The following CEP164 variants were observed in gnomAD, a reference collection of about 807,000 sequenced individuals.
The protein encoded by CEP164 is centrosomal protein of 164 kDa.
A neutral mutation model predicts 182.7 loss-of-function variants in CEP164; 162 were observed. The ratio of observed to expected loss-of-function variants is 0.89; its 90% CI spans 0.78 to 1.01. CEP164 has a LOEUF of 1.01. Among genes scored for constraint, CEP164 ranks in the 50% least tolerant of loss-of-function variants. The pLI, the probability that CEP164 is intolerant of heterozygous loss-of-function variation, is 0.00. For missense variants in CEP164, 1,735 were observed against 1,790.4 expected (o/e 0.97, Z 0.56); for synonymous variants, 661 against 690.0 (o/e 0.96, Z 0.66).
rs941316953 is a variant in CEP164, at chr11:117,390,194, C to T, written c.1935-583C>T. Among the ~76,000 whole-genome samples, 5 of 151,932 alleles carry T rather than the reference C, an allele frequency of 3.3e-5. No homozygotes were observed. In the East Asian group the frequency reaches 5.8e-4, roughly 18 times the overall value. On this transcript the variant is annotated intron_variant, in intron 15 of 32. Transcript: ENST00000278935. ...CTGACCTCAAGTGATCCACCTACCT[C>T]GGCCTCCCAAAGTGCTGGGATTACG...
chr11:117,359,587 A>G (rs1412648453), intron 5 of CEP164: 1 of 985,428 alleles, frequency 1.0e-6, no homozygotes, highest in Non-Finnish European at 1.2e-6. Flanking sequence ...TCTGAACCTC[A>G]GCCTGACCGC....
chr11:117,400,064 C>T (rs1230077739), intron 27 of CEP164, among the ~76,000 whole-genome samples: 3 of 152,092 alleles, frequency 2.0e-5, no homozygotes, highest in Non-Finnish European at 4.4e-5. Context: ...TTTGTCCATG[C>T]CTATATCCTG....
intron 3 of CEP164, among the ~76,000 whole-genome samples, chr11:117,341,358 A>G (rs986978279): frequency 6.6e-6 from 1 of 152,040 alleles, no homozygotes; most frequent in African/African-American, 2.4e-5. Context: ...CCGCATCCCC[A>G]GTATACTCAA....
chr11:117,361,259 T>TG (rs2040929655), intron 5 of CEP164, among the ~76,000 whole-genome samples: 2 of 140,002 alleles, frequency 1.4e-5, no homozygotes, highest in African/African-American at 5.4e-5. Context: ...TTTTTTTTTT[T>TG]GAGACAGAGT....
At chr11:117,406,021 C>G (rs937571439) in intron 27 of CEP164, among the ~76,000 whole-genome samples, 27 of 152,250 alleles carry the variant, frequency 1.8e-4, no homozygotes, top group African/African-American at 6.0e-4. Context: ...GCCCTCCAAA[C>G]TGTTCCAGCC....
At chr11:117,379,589 G>A (rs559027477) in intron 11 of CEP164, among the ~76,000 whole-genome samples, 28 of 152,236 alleles carry the variant, frequency 1.8e-4, no homozygotes, top group African/African-American at 6.0e-4. Flanking sequence ...CATTGATGGC[G>A]TGCCTTCTTT....
intron 8 of CEP164, among the ~76,000 whole-genome samples, chr11:117,366,238 A>C (rs1348493013): frequency 2.0e-5 from 3 of 151,996 alleles, no homozygotes; most frequent in African/African-American, 7.2e-5. Context: ...CTCAGTTTAC[A>C]GTCTTTGGAT....
At position 117,412,777 on chromosome 11, in the gene CEP164, C is replaced by G. The variant is rs1264076220; in HGVS notation, c.*609C>G. On this transcript the variant is annotated 3_prime_UTR_variant, in exon 33 of 33. Transcript: ENST00000278935. ...GGACTGGGCTTAGCTGTCCAGAGCC[C>G]TGCCGGAGGGTGCTGGGGGCTGTCC... 1 of 152,960 alleles carries G rather than the reference C, an allele frequency of 6.5e-6. No individual in the cohort carries two copies. Among genetic ancestry groups the G allele is most frequent in the African/African-American group, 2.4e-5 (1 of 41,420 alleles). 9.5% of individuals were successfully genotyped at this position (152,960 alleles called of 1,614,324 possible). A position where few individuals can be genotyped will look rare whatever the true frequency, so the allele number is the denominator to read the frequency against.
Position 117,409,644 on chromosome 11 carries a change from C to T in CEP164, c.3775C>T (p.Arg1259Cys), listed in dbSNP as rs780550729. 31 of 1,610,474 alleles carry T rather than the reference C, an allele frequency of 1.9e-5. No individual in the cohort carries two copies. Among genetic ancestry groups the T allele is most frequent in the South Asian group, 3.3e-5 (3 of 90,996 alleles). The change falls in exon 30 of 33, where the codon CGC (arginine) becomes TGC (cysteine). Residue 1259 changes from arginine to cysteine, a missense_variant. Arg to Cys is a radical substitution (Grantham distance 180). Coordinates refer to ENST00000278935, the MANE Select transcript of CEP164 (RefSeq NM_014956.5). The surrounding 1 kb of genome is among the most constrained non-coding windows in gnomAD (Gnocchi z 4.4). Reference sequence around the variant, plus strand: ...CGACTCAACCCCGAGTCTCACCTCCCGCAAGATCCACGGGCTTAGCCACTC... The same window carrying T: ...CGACTCAACCCCGAGTCTCACCTCCTGCAAGATCCACGGGCTTAGCCACTC... ...RIDSTPSLTS[R>C]KIHGLSHSLR...
chr11:117,409,045 C>CG lies in CEP164; in HGVS notation c.3748+21dup, dbSNP rs1565635563. 1 of 1,613,598 alleles carries CG rather than the reference C, an allele frequency of 6.2e-7. No individual in the cohort carries two copies. Among genetic ancestry groups the CG allele is most frequent in the Non-Finnish European group, 8.5e-7 (1 of 1,179,784 alleles). Reference sequence around the variant, plus strand: ...AGCAGAGGAGTGAGTGGGGGAGATGCGGGGTGAGGACCATGGTATCCATGG... The same window carrying CG: ...AGCAGAGGAGTGAGTGGGGGAGATGCGGGGGTGAGGACCATGGTATCCATGG... On this transcript the variant is annotated intron_variant, in intron 29 of 32. Coordinates refer to ENST00000278935, the MANE Select transcript of CEP164 (RefSeq NM_014956.5). The surrounding 1 kb of genome is among the most constrained non-coding windows in gnomAD (Gnocchi z 4.4).
At chr11:117,371,544 C>A in intron 9 of CEP164, 78 bp downstream of exon 9, 4 of 1,496,022 alleles carry the variant, frequency 2.7e-6, no homozygotes, top group Non-Finnish European at 2.7e-6. Flanking sequence ...GGGTCCTATC[C>A]CCACATCTTT....
chr11:117,359,203 CAA>C (rs1335392988), intron 5 of CEP164, among the ~76,000 whole-genome samples: 1 of 152,142 alleles, frequency 6.6e-6, no homozygotes, highest in African/African-American at 2.4e-5. Context: ...CTCAGCCTCT[CAA>C]AGTGCTGGGA....
At position 117,362,849 on chromosome 11, in the gene CEP164, A is replaced by G. The variant is rs116553527; in HGVS notation, c.687+311A>G. On this transcript the variant is annotated intron_variant, in intron 7 of 32. Transcript: ENST00000278935. Reference sequence around the variant, plus strand: ...CCTCTCCCTCCATCCCTGGAAACCTAATCTGCTTACTGTGTCTATGAATTT... The same window carrying G: ...CCTCTCCCTCCATCCCTGGAAACCTGATCTGCTTACTGTGTCTATGAATTT... Among the ~76,000 whole-genome samples the G allele has an allele frequency of 5.1e-3, 769 of 152,192 alleles. 7 individuals carry two copies. Among genetic ancestry groups the G allele is most frequent in the African/African-American group, 0.017 (704 of 41,504 alleles).
chr11:117,380,039 A>T (rs1424546189), intron 11 of CEP164, among the ~76,000 whole-genome samples: 1 of 151,840 alleles, frequency 6.6e-6, no homozygotes. Context: ...GTAGCGAAGG[A>T]GCACTTTGTC....
intron 11 of CEP164, among the ~76,000 whole-genome samples, chr11:117,380,321 T>C (rs1355729294): frequency 6.6e-6 from 1 of 152,154 alleles, no homozygotes; most frequent in South Asian, 2.1e-4. Flanking sequence ...TTTCTTTTTC[T>C]TGTGTGTTCT....
At chr11:117,410,938 AG>A (rs2047284359) in intron 31 of CEP164, 44 bp downstream of exon 31, 1 of 1,569,648 alleles carries the variant, frequency 6.4e-7, no homozygotes, top group East Asian at 2.3e-5. Context: ...GTCATAGTCG[AG>A]CTGCTCACTG....
rs1247700021 is a variant in CEP164, at chr11:117,394,452, C to T, written c.2719C>T (p.His907Tyr). The T allele has an allele frequency of 8.1e-6, 13 of 1,614,150 alleles. No homozygotes were observed. Among genetic ancestry groups the T allele is most frequent in the African/African-American group, 1.3e-5 (1 of 75,058 alleles). ...ACTGGAGACTGTGAGGCAGGAGCAA[C>T]ACAAGCGTCTTGAGGACTTGCGGCG... The part of the protein sequence containing the change: ...RELETVRQEQ[H>Y]KRLEDLRRRH... Residue 907 changes from histidine (H) to tyrosine (Y), a missense_variant, in exon 21 of 33, where the codon CAC becomes TAC. Physicochemically the swap from His to Tyr is moderately conservative, Grantham distance 83. Transcript: ENST00000278935. The surrounding 1 kb of genome is among the most constrained non-coding windows in gnomAD (Gnocchi z 4.0).
intron 2 of CEP164, among the ~76,000 whole-genome samples, chr11:117,337,510 T>TAAAAAAAA (rs55864956): frequency 7.8e-6 from 1 of 128,882 alleles, no homozygotes; most frequent in Admixed American, 8.1e-5. Flanking sequence ...ACCATCTCTG[T>TAAAAAAAA]AAAAAAAAAA....
At chr11:117,356,351 T>A (rs551690740) in intron 5 of CEP164, 29 of 1,167,386 alleles carry the variant, frequency 2.5e-5, no homozygotes, top group Middle Eastern at 4.0e-4. Flanking sequence ...CAGCACAGTC[T>A]GTTGCATGGC....
Sources: gnomAD v4.1 joint callset for allele counts (sites outside exome capture counted in the v4.1 genomes callset) on GRCh38, gnomAD v4.1.1 for gene constraint, Gnocchi (gnomAD v3.1) non-coding constraint, MANE v1.5 for transcripts, NCBI Gene and HGNC (gene_info 2026-07-23, HGNC 2026-07-21) for gene names.